RARB: variants seen among roughly 807,000 people sequenced by gnomAD.
RARB encodes retinoic acid receptor beta.
A neutral mutation model predicts 51.9 loss-of-function variants in RARB; 17 were observed. That is an observed-to-expected ratio of 0.33 (90% confidence interval 0.22 to 0.49). The LOEUF (loss-of-function observed/expected upper bound fraction) is 0.49, where lower values mean the gene tolerates loss of function less well. Among genes scored for constraint, RARB ranks in the 20% least tolerant of loss-of-function variants. RARB has a pLI of 0.99. For synonymous variants in RARB, 215 were observed against 195.4 expected, an observed-to-expected ratio of 1.10 and a Z score of -0.84; for missense variants, 369 against 550.8, an observed-to-expected ratio of 0.67 and a Z score of 3.30.
At chr3:25,219,116 A>T (rs778682605) in intron 5 of RARB, among the ~76,000 whole-genome samples, 39 of 152,164 alleles carry the variant, frequency 2.6e-4, no homozygotes, top group Non-Finnish European at 5.4e-4. Flanking sequence ...ATTCATGGGG[A>T]ACCAAAGACC....
intron 2 of RARB, among the ~76,000 whole-genome samples, chr3:24,972,599 C>G (rs1696424731): frequency 6.6e-6 from 1 of 151,972 alleles, no homozygotes; most frequent in African/African-American, 2.4e-5. Flanking sequence ...AATTTACATT[C>G]CCACCAGCAG....
At chr3:25,511,617 C>G (rs556747831) in intron 3 of RARB, among the ~76,000 whole-genome samples, 1 of 152,130 alleles carries the variant, frequency 6.6e-6, no homozygotes, top group Non-Finnish European at 1.5e-5. Context: ...CTTCAAAGGA[C>G]TGAAGTTTGA....
chr3:25,379,734 ATTGT>A (rs911064471), intron 5 of RARB, among the ~76,000 whole-genome samples: 6 of 152,156 alleles, frequency 3.9e-5, no homozygotes, highest in Non-Finnish European at 7.4e-5. Context: ...GATCTGAGAC[ATTGT>A]TTATTTTACA....
chr3:25,116,214 A>G (rs1220658507), intron 3 of RARB, among the ~76,000 whole-genome samples: 1 of 152,186 alleles, frequency 6.6e-6, no homozygotes, highest in Admixed American at 6.5e-5. Context: ...GTGAAATTGT[A>G]TACTGCAGCA....
At chr3:25,148,484 C>G (rs1178925663) in intron 4 of RARB, among the ~76,000 whole-genome samples, 2 of 152,178 alleles carry the variant, frequency 1.3e-5, no homozygotes, top group Non-Finnish European at 2.9e-5. Flanking sequence ...GTTTTTATAG[C>G]TTTCTCTACT....
chr3:25,019,840 G>A (rs1339326496), intron 2 of RARB, among the ~76,000 whole-genome samples: 2 of 152,144 alleles, frequency 1.3e-5, no homozygotes, highest in African/African-American at 4.8e-5. Context: ...CTGGCTCTGA[G>A]TTCTGTGAGG....
chr3:25,552,877 C>T lies in RARB; in HGVS notation c.449-16881C>T, dbSNP rs1010542900. On this transcript the variant is annotated intron_variant, in intron 3 of 7. Transcript: ENST00000330688. ...GTTGAGTGAATGGGGGCTGTTACAT[C>T]ATGGTCTCTACTTTAAGTATGTCTA... Among the ~76,000 whole-genome samples, 13 of 152,144 alleles carry T rather than the reference C, an allele frequency of 8.5e-5. 3 individuals are homozygous for T. The highest frequency in any genetic ancestry group is 7.9e-4 in the Admixed American group (12 of 15,270).
intron 1 of RARB, among the ~76,000 whole-genome samples, chr3:24,855,758 T>TTG (rs1371973446): frequency 1.3e-5 from 2 of 148,648 alleles, no homozygotes; most frequent in Non-Finnish European, 1.5e-5. Flanking sequence ...TTTTTTTTTT[T>TTG]TTTTTTTGAG....
intron 5 of RARB, among the ~76,000 whole-genome samples, chr3:25,194,488 TATATACACACACATAGTG>T (rs1490422832): frequency 4.0e-5 from 6 of 150,802 alleles, no homozygotes; most frequent in African/African-American, 1.5e-4. Context: ...TGTATATATA[TATATACACACACATAGTG>T]ATATATATAT....
intron 4 of RARB, among the ~76,000 whole-genome samples, chr3:25,167,594 TGTAA>T (rs376730302): frequency 3.5e-4 from 54 of 152,274 alleles, no homozygotes; most frequent in Non-Finnish European, 6.8e-4. Context: ...TGGTTGTTGT[TGTAA>T]GTAAGCAGAA....
In RARB at chr3:25,585,964, G is replaced by A. The variant is rs74407516; in HGVS notation, c.786+5242G>A. Among the ~76,000 whole-genome samples the A allele has an allele frequency of 5.1e-3, 784 of 152,262 alleles. 20 individuals are homozygous for A. In the East Asian group the frequency reaches 0.077, roughly 15 times the overall value. ...TCAGTGTGGAGCCAGGACTGGGTGG[G>A]CAGGATGGGTGAAGGAGGTAAATAC... On this transcript the variant is annotated intron_variant, in intron 5 of 7. Coordinates refer to ENST00000330688, the MANE Select transcript of RARB (RefSeq NM_000965.5).
At chr3:24,862,138 T>G (rs1702759413) in intron 2 of RARB, among the ~76,000 whole-genome samples, 1 of 152,166 alleles carries the variant, frequency 6.6e-6, no homozygotes. Context: ...ACGGTATGGC[T>G]GGAAATAGGA....
chr3:24,937,301 CGCT>C (rs1252060684), intron 2 of RARB, among the ~76,000 whole-genome samples: 1 of 152,104 alleles, frequency 6.6e-6, no homozygotes, highest in African/African-American at 2.4e-5. Flanking sequence ...TTAGAGAATT[CGCT>C]TCTATGTGGA....
intron 5 of RARB, among the ~76,000 whole-genome samples, chr3:25,361,928 G>A (rs1458956616): frequency 6.6e-6 from 1 of 152,148 alleles, no homozygotes; most frequent in Non-Finnish European, 1.5e-5. Flanking sequence ...CCCCTGCTGG[G>A]AGGTGTCTCC....
chr3:25,175,120 T>C (rs1700718279), intron 5 of RARB, among the ~76,000 whole-genome samples: 1 of 152,218 alleles, frequency 6.6e-6, no homozygotes, highest in South Asian at 2.1e-4. Context: ...CTATTTCTTA[T>C]CCCAGATCTT....
At chr3:25,338,723 T>A (rs1197089979) in intron 5 of RARB, among the ~76,000 whole-genome samples, 1 of 152,190 alleles carries the variant, frequency 6.6e-6, no homozygotes, top group East Asian at 1.9e-4. Flanking sequence ...CACTTATCTA[T>A]TTAATTTTAT....
At chr3:25,188,571 G>T (rs113920472) in intron 5 of RARB, among the ~76,000 whole-genome samples, 3 of 152,236 alleles carry the variant, frequency 2.0e-5, no homozygotes, top group African/African-American at 7.2e-5. Context: ...GAGTAGAAAA[G>T]TTATTCTGTC....
intron 2 of RARB, among the ~76,000 whole-genome samples, chr3:24,994,276 A>C (rs931231318): frequency 6.7e-6 from 1 of 149,888 alleles, no homozygotes; most frequent in South Asian, 2.1e-4. Context: ...TCATTTTTCT[A>C]TATATTTGTT....
rs191888459 is a variant in RARB at position 25,456,465 on chromosome 3, A to G, written c.158-4728A>G. On this transcript the variant is annotated intron_variant, in intron 1 of 7. Transcript: ENST00000330688. ...AGTACAAATCTTTTATATTGATGCCATATCCTGGTTTCCTGGTTGTAATTC... is the reference window on the plus strand; with the variant it reads ...AGTACAAATCTTTTATATTGATGCCGTATCCTGGTTTCCTGGTTGTAATTC... Among the ~76,000 whole-genome samples the G allele has an allele frequency of 1.1e-3, 161 of 151,402 alleles. 1 individual carries two copies. The highest frequency in any genetic ancestry group is 1.6e-3 in the Non-Finnish European group (111 of 67,952).
Sources: gnomAD v4.1 joint callset for allele counts (sites outside exome capture counted in the v4.1 genomes callset) on GRCh38, gnomAD v4.1.1 for gene constraint, MANE v1.5 for transcripts, NCBI Gene and HGNC (gene_info 2026-07-23, HGNC 2026-07-21) for gene names.